ZCCHC7: variants seen among roughly 807,000 people sequenced by gnomAD.
ZCCHC7 encodes the protein zinc finger CCHC-type containing 7.
A neutral mutation model predicts 52.0 loss-of-function variants in ZCCHC7; 35 were observed. That is an observed-to-expected ratio of 0.67 (90% confidence interval 0.51 to 0.89). The LOEUF is 0.89. Ranked by LOEUF, ZCCHC7 falls within the 40% of genes least tolerant of loss-of-function variation. ZCCHC7 has a pLI of 0.00. For synonymous variants in ZCCHC7, 217 were observed against 221.5 expected (o/e 0.98, Z 0.18); for missense variants, 574 against 649.1 (o/e 0.88, Z 1.26).
chr9:37,175,819 A>C (rs12342747), intron 2 of ZCCHC7, among the ~76,000 whole-genome samples: 4,539 of 152,228 alleles, frequency 0.03, 156 homozygotes, highest in East Asian at 0.075. Context: ...TTATGGTAGA[A>C]TTGTCTGTCT....
Position 37,149,427 on chromosome 9 carries a change from G to A in ZCCHC7, c.610+22485G>A, listed in dbSNP as rs371803882. Among the ~76,000 whole-genome samples, 5 of 151,402 alleles carry A rather than the reference G, an allele frequency of 3.3e-5. No individual in the cohort carries two copies. The East Asian group carries it at 5.8e-4, about 18-fold the overall frequency. On this transcript the variant is annotated intron_variant, in intron 2 of 8. Transcript: ENST00000336755. The stretch of plus-strand genomic sequence containing the variant: ...CTTTCCCACTTATTTTTTTTTAGCA[G>A]AAAAAAATACCCCCCTGTCCCCAAC...
intron 5 of ZCCHC7, among the ~76,000 whole-genome samples, chr9:37,313,254 T>G (rs1296854562): frequency 2.0e-5 from 3 of 152,196 alleles, no homozygotes; most frequent in African/African-American, 7.2e-5. Context: ...TTGTATAGGC[T>G]TACCAAATGT....
chr9:37,300,222 C>T (rs988322217), intron 2 of ZCCHC7, among the ~76,000 whole-genome samples: 9 of 152,096 alleles, frequency 5.9e-5, no homozygotes, highest in African/African-American at 2.2e-4. Context: ...TAACAGTTGC[C>T]ATTTTGCATT....
At chr9:37,209,592 ATGTATTTAATGGTT>A (rs1824104726) in intron 2 of ZCCHC7, among the ~76,000 whole-genome samples, 1 of 152,114 alleles carries the variant, frequency 6.6e-6, no homozygotes, top group Admixed American at 6.5e-5. Context: ...GTGTGTATAT[ATGTATTTAATGGTT>A]TCACTCTACC....
intron 2 of ZCCHC7, among the ~76,000 whole-genome samples, chr9:37,198,600 GT>G (rs1470673925): frequency 6.6e-6 from 1 of 152,186 alleles, no homozygotes; most frequent in East Asian, 1.9e-4. Flanking sequence ...ATAATACAAA[GT>G]GGAAAGTGTT....
chr9:37,173,868 G>A (rs1332416897), intron 2 of ZCCHC7, among the ~76,000 whole-genome samples: 1 of 151,702 alleles, frequency 6.6e-6, no homozygotes, highest in African/African-American at 2.4e-5. Flanking sequence ...CAGAAATTAT[G>A]GTTTATTGTG....
chr9:37,194,205 C>T (rs1485777142), intron 2 of ZCCHC7, among the ~76,000 whole-genome samples: 1 of 152,160 alleles, frequency 6.6e-6, no homozygotes, highest in Non-Finnish European at 1.5e-5. Context: ...GAATATTTCT[C>T]TTTTTGAGTT....
chr9:37,209,068 TCTCACTC>T (rs2133203738), intron 2 of ZCCHC7, among the ~76,000 whole-genome samples: 2 of 151,388 alleles, frequency 1.3e-5, no homozygotes, highest in East Asian at 3.9e-4. Flanking sequence ...TGAGATGGAG[TCTCACTC>T]TGTTGCCCAG....
intron 2 of ZCCHC7, among the ~76,000 whole-genome samples, chr9:37,192,284 G>C (rs753383168): frequency 5.9e-5 from 9 of 152,154 alleles, no homozygotes; most frequent in Non-Finnish European, 1.2e-4. Context: ...CTCATAATCA[G>C]ATAACTTGTT....
At chr9:37,317,509 C>A (rs1829873821) in intron 5 of ZCCHC7, among the ~76,000 whole-genome samples, 2 of 152,072 alleles carry the variant, frequency 1.3e-5, no homozygotes, top group Admixed American at 1.3e-4. Context: ...GTCAGGAGTT[C>A]AAGACCAGCC....
intron 6 of ZCCHC7, among the ~76,000 whole-genome samples, chr9:37,343,107 C>T (rs1353138645): frequency 6.6e-6 from 1 of 152,168 alleles, no homozygotes; most frequent in East Asian, 1.9e-4. Flanking sequence ...AATCTCGTAA[C>T]AGTAATTGCC....
At chr9:37,187,261 T>A (rs1232533087) in intron 2 of ZCCHC7, among the ~76,000 whole-genome samples, 3 of 152,126 alleles carry the variant, frequency 2.0e-5, no homozygotes, top group Non-Finnish European at 4.4e-5. Context: ...GGAAGAAAAT[T>A]TTTCCATGGA....
At chr9:37,327,105 T>C (rs1588676117) in intron 5 of ZCCHC7, 1 of 152,256 alleles carries the variant, frequency 6.6e-6, no homozygotes, top group East Asian at 1.9e-4. Context: ...GTTCCTGCTA[T>C]TGTTTATATT....
Position 37,354,719 on chromosome 9 carries a change from G to C in ZCCHC7, c.1093G>C (p.Glu365Gln). 2 of 1,609,334 alleles carry C rather than the reference G, an allele frequency of 1.2e-6. No homozygotes were observed. The highest frequency in any genetic ancestry group is 1.7e-6 in the Non-Finnish European group (2 of 1,176,150). ...QKGHYGHECP[E>Q]REVYDPSPVS... Reference sequence around the variant, plus strand: ...TACATACAATTTATAGGAATGTCCAGAAAGAGAAGTGTATGACCCGTCTCC... The same window carrying C: ...TACATACAATTTATAGGAATGTCCACAAAGAGAAGTGTATGACCCGTCTCC... Residue 365 changes from glutamate (E) to glutamine (Q), a missense_variant, in exon 8 of 9, where the codon GAA (glutamate) becomes CAA (glutamine). Physicochemically the swap from Glu to Gln is conservative, Grantham distance 29. This residue lies in a region of ZCCHC7 where 403 missense variants were observed against 461.2 expected (regional missense o/e 0.87). Transcript: ENST00000336755. The surrounding 1 kb of genome is among the most constrained non-coding windows in gnomAD (Gnocchi z 4.0).
chr9:37,290,276 T>G (rs1186926129), intron 2 of ZCCHC7, among the ~76,000 whole-genome samples: 1 of 152,186 alleles, frequency 6.6e-6, no homozygotes, highest in Non-Finnish European at 1.5e-5. Context: ...TTGTAATGTT[T>G]AGTTTAACCC....
Position 37,159,614 on chromosome 9 carries a change from T to C in ZCCHC7, c.610+32672T>C, listed in dbSNP as rs539626873. On this transcript the variant is annotated intron_variant, in intron 2 of 8. Coordinates refer to ENST00000336755, the MANE Select transcript of ZCCHC7 (RefSeq NM_032226.3). ...AATGATTTTTGAGATTTTGGGAAAATTGTTTTAATGTTTCACTCCCAAGCG... is the reference window on the plus strand; with the variant it reads ...AATGATTTTTGAGATTTTGGGAAAACTGTTTTAATGTTTCACTCCCAAGCG... Among the ~76,000 whole-genome samples the C allele has an allele frequency of 7.9e-5, 12 of 152,290 alleles. No individual in the cohort carries two copies. In the East Asian group the frequency reaches 2.3e-3, roughly 29 times the overall value.
intron 7 of ZCCHC7, among the ~76,000 whole-genome samples, chr9:37,352,971 C>G (rs1306831826): frequency 6.6e-6 from 1 of 151,754 alleles, no homozygotes; most frequent in African/African-American, 2.4e-5. Flanking sequence ...AGATTAGAAC[C>G]GAACTTATTG....
At chr9:37,228,164 A>G (rs1359058653) in intron 2 of ZCCHC7, among the ~76,000 whole-genome samples, 3 of 152,158 alleles carry the variant, frequency 2.0e-5, no homozygotes, top group Admixed American at 1.3e-4. Flanking sequence ...ATCTTTTCCT[A>G]TGACTATTCT....
At chr9:37,222,262 A>G (rs1302515402) in intron 2 of ZCCHC7, among the ~76,000 whole-genome samples, 1 of 151,274 alleles carries the variant, frequency 6.6e-6, no homozygotes, top group Admixed American at 6.6e-5. Context: ...ATTAAATTTG[A>G]TGATAAGCTT....
Sources: allele counts gnomAD v4.1 joint callset (sites outside exome capture counted in the v4.1 genomes callset), GRCh38; gene constraint gnomAD v4.1.1; regional missense constraint gnomAD v4.1.1; non-coding constraint Gnocchi (gnomAD v3.1); transcripts MANE v1.5; gene names NCBI Gene and HGNC (gene_info 2026-07-23, HGNC 2026-07-21).